Variants in SF3B4 observed in about 807,000 individuals in gnomAD.
The protein encoded by SF3B4 is SAP 49.
In SF3B4, 3 loss-of-function variants were observed where a neutral mutation model predicts 34.3. The observed-to-expected ratio is 0.09, with a 90% CI of 0.04 to 0.23. The LOEUF is 0.23. Ranked by LOEUF, SF3B4 falls within the 10% of genes least tolerant of loss-of-function variation. The pLI is 1.00. For missense variants in SF3B4, 283 were observed against 567.2 expected (o/e 0.50, Z 5.09); for synonymous variants, 216 against 207.8 (o/e 1.04, Z -0.34).
intron 4 of SF3B4, 135 bp downstream of exon 4, chr1:149,925,701 T>A (rs1438662820): frequency 1.3e-6 from 1 of 756,006 alleles, no homozygotes; most frequent in Non-Finnish European, 2.4e-6. Context: ...ATTTTGTATG[T>A]TTTTATAATA....
At position 149,923,419 on chromosome 1, in the gene SF3B4, G is replaced by A; in HGVS notation, c.*123C>T. ...GTGGAAAAAGTTACATTAAAAAGGG[G>A]AATGGAGTGGGGGTGCTGAAAGGGA... is the stretch of plus-strand genomic sequence containing the variant. On this transcript the variant is annotated 3_prime_UTR_variant, in exon 6 of 6. Transcript: ENST00000271628. The A allele has an allele frequency of 2.9e-6, 2 of 689,566 alleles. No homozygotes were observed. Among genetic ancestry groups the A allele is most frequent in the Non-Finnish European group, 4.7e-6 (2 of 425,138 alleles). 42.7% of individuals were successfully genotyped at this position (689,566 alleles called of 1,614,324 possible). A position where few individuals can be genotyped will look rare whatever the true frequency, so the allele number is the denominator to read the frequency against.
intron 1 of SF3B4, 106 bp downstream of exon 1, chr1:149,927,619 TG>T: frequency 7.0e-7 from 1 of 1,430,976 alleles, no homozygotes; most frequent in Non-Finnish European, 9.6e-7. Context: ...TCGCGCCCTC[TG>T]GGGAAGGGAG....
At chr1:149,924,320 C>T (rs1422388610) in intron 4 of SF3B4, among the ~76,000 whole-genome samples, 1 of 151,960 alleles carries the variant, frequency 6.6e-6, no homozygotes, top group African/African-American at 2.4e-5. Context: ...GCCTCTATTC[C>T]CAGCTACTCA....
intron 2 of SF3B4, 85 bp from the exon 3 acceptor site, chr1:149,927,003 G>A: frequency 1.4e-6 from 2 of 1,459,504 alleles, no homozygotes; most frequent in Non-Finnish European, 1.8e-6. Flanking sequence ...TAATCACAAA[G>A]AACAAGAAAG....
At chr1:149,925,776 A>C in intron 4 of SF3B4, 60 bp downstream of exon 4, 1 of 1,227,998 alleles carries the variant, frequency 8.1e-7, no homozygotes, top group Non-Finnish European at 1.2e-6. Flanking sequence ...CAGCAGGGTG[A>C]GTGGTAACAG....
chr1:149,923,443 G>A lies in SF3B4; in HGVS notation c.*99C>T. On this transcript the variant is annotated 3_prime_UTR_variant, in exon 6 of 6. Coordinates refer to ENST00000271628, the MANE Select transcript of SF3B4 (RefSeq NM_005850.5). Reference sequence around the variant, plus strand: ...GGAATGGAGTGGGGGTGCTGAAAGGGATTAGTACCTTTGCCCCAAGGAGCT... The same window carrying A: ...GGAATGGAGTGGGGGTGCTGAAAGGAATTAGTACCTTTGCCCCAAGGAGCT... The A allele has an allele frequency of 1.1e-6, 1 of 899,424 alleles. No individual in the cohort carries two copies. Among genetic ancestry groups the A allele is most frequent in the South Asian group, 1.8e-5 (1 of 55,416 alleles). 55.7% of individuals were successfully genotyped at this position (899,424 alleles called of 1,614,324 possible).
intron 4 of SF3B4, 82 bp from the exon 5 acceptor site, chr1:149,924,096 TAGAA>T (rs2092573634): frequency 1.1e-5 from 13 of 1,196,338 alleles, no homozygotes; most frequent in South Asian, 4.5e-5. Context: ...AAAACAAAAT[TAGAA>T]AGAAAGTGAC....
chr1:149,924,280 A>G (rs1464382017), intron 4 of SF3B4, among the ~76,000 whole-genome samples: 15 of 152,022 alleles, frequency 9.9e-5, no homozygotes, highest in Admixed American at 3.9e-4. Context: ...ATCAAAAAAT[A>G]CTTTTAATTA....
rs587612228 is a variant in SF3B4 at position 149,926,133 on chromosome 1, G to C, written c.707-91C>G. On this transcript the variant is annotated intron_variant, in intron 3 of 5. Coordinates refer to ENST00000271628, the MANE Select transcript of SF3B4 (RefSeq NM_005850.5). The surrounding 1 kb of genome is among the most constrained non-coding windows in gnomAD (Gnocchi z 6.2). The stretch of plus-strand genomic sequence containing the variant: ...TCCTGATCTGGCCTCTCCAGGCAGG[G>C]TGAGCTCTTTCCCCCTCCTCCCAGT... 1.2e-5 allele frequency: 9 copies of C among 722,662 alleles called. No homozygotes were observed. In the South Asian group the frequency reaches 1.6e-4, roughly 13 times the overall value. The allele number at this position is 722,662 out of a possible 1,614,324, so 44.8% of individuals were successfully genotyped here.
At position 149,923,440 on chromosome 1, in the gene SF3B4, A is replaced by G. The variant is rs782379065; in HGVS notation, c.*102T>C. ...AGGGGAATGGAGTGGGGGTGCTGAA[A>G]GGGATTAGTACCTTTGCCCCAAGGA... On this transcript the variant is annotated 3_prime_UTR_variant, in exon 6 of 6. Transcript: ENST00000271628. 2.4e-4 allele frequency: 203 copies of G among 856,878 alleles called. 2 individuals are homozygous for G. Among genetic ancestry groups the G allele is most frequent in the Middle Eastern group, 6.8e-4 (2 of 2,952 alleles). 53.1% of individuals were successfully genotyped at this position (856,878 alleles called of 1,614,324 possible).
intron 4 of SF3B4, 89 bp from the exon 5 acceptor site, chr1:149,924,103 AAAGT>A (rs2101643273): frequency 8.9e-7 from 1 of 1,127,828 alleles, no homozygotes; most frequent in Non-Finnish European, 1.3e-6. Flanking sequence ...AATTAGAAAG[AAAGT>A]GACATCAGAA....
chr1:149,924,163 G>T, intron 4 of SF3B4, 149 bp from the exon 5 acceptor site: 1 of 710,430 alleles, frequency 1.4e-6, no homozygotes, highest in Non-Finnish European at 2.2e-6. Context: ...GGCTGGCTGG[G>T]CACAGTGGCT....
In SF3B4 at chr1:149,923,894, C is replaced by A. The variant is rs782507028; in HGVS notation, c.1034G>T (p.Gly345Val). The A allele has an allele frequency of 2.5e-6, 4 of 1,605,390 alleles. No individual in the cohort carries two copies. The South Asian group carries it at 4.4e-5, about 18-fold the overall frequency. The change falls in exon 5 of 6, where the codon GGA becomes GTA. Residue 345 changes from glycine to valine, a missense_variant. Physicochemically the swap from Gly to Val is moderately radical, Grantham distance 109. Around this residue, in one of 4 missense-constraint regions of SF3B4, gnomAD observed 208 missense variants for 292.6 expected, o/e 0.71. Coordinates refer to ENST00000271628, the MANE Select transcript of SF3B4 (RefSeq NM_005850.5). ...PRPPPGMPHP[G>V]PPPMGMPPRG... is the part of the protein sequence containing the mutation. ...GGGGGGCATGCCCATTGGAGGAGGT[C>A]CAGGATGAGGCATTCCAGGTGGTGG...
chr1:149,923,967 G>A lies in SF3B4; in HGVS notation c.961C>T (p.His321Tyr), dbSNP rs2092572295. Residue 321 changes from histidine to tyrosine, a missense_variant, in exon 5 of 6, where the codon CAT becomes TAT. Coordinates refer to ENST00000271628, the MANE Select transcript of SF3B4 (RefSeq NM_005850.5). ...GAGCCTGGGGGTCCAGCGTGGGGATGTCCTAAGCCATGAGGGCCATGGTGT... is the reference window on the plus strand; with the variant it reads ...GAGCCTGGGGGTCCAGCGTGGGGATATCCTAAGCCATGAGGGCCATGGTGT... ...LAHHGPHGLGHPHAGPPGSGG... is the reference protein window; with the variant it reads ...LAHHGPHGLGYPHAGPPGSGG... 6.3e-7 allele frequency: 1 copy of A among 1,577,978 alleles called. No individual in the cohort carries two copies. The highest frequency in any genetic ancestry group is 8.6e-7 in the Non-Finnish European group (1 of 1,168,904).
At position 149,923,846 on chromosome 1, in the gene SF3B4, G is replaced by T. The variant is rs782787824; in HGVS notation, c.1082C>A (p.Pro361His). ...GGTGGCTAGAGCCGACTTACCCATG[G>T]GAGATCCGAATGGAGGCCCTCGGGG... ...MPPRGPPFGSPMGHPGPMPPH... is the reference protein window; with the variant it reads ...MPPRGPPFGSHMGHPGPMPPH... Residue 361 changes from proline (P) to histidine (H), a missense_variant, in exon 5 of 6, where the codon CCC becomes CAC. Around this residue, in one of 4 missense-constraint regions of SF3B4, gnomAD observed 208 missense variants for 292.6 expected, o/e 0.71. Transcript: ENST00000271628. 5.0e-6 allele frequency: 8 copies of T among 1,595,252 alleles called. No homozygotes were observed. Among genetic ancestry groups the T allele is most frequent in the Non-Finnish European group, 6.8e-6 (8 of 1,174,210 alleles).
chr1:149,925,067 G>A (rs2092581313), intron 4 of SF3B4, among the ~76,000 whole-genome samples: 1 of 152,204 alleles, frequency 6.6e-6, no homozygotes, highest in Non-Finnish European at 1.5e-5. Context: ...ATGAGAGACT[G>A]AACTAGGGCA....
At position 149,923,927 on chromosome 1, in the gene SF3B4, G is replaced by A. The variant is rs782564837; in HGVS notation, c.1001C>T (p.Pro334Leu). Residue 334 changes from proline to leucine, a missense_variant, in exon 5 of 6, where the codon CCG becomes CTG. Physicochemically the swap from Pro to Leu is moderately conservative, Grantham distance 98. Transcript: ENST00000271628. ...AGPPGSGGQP[P>L]PRPPPGMPHP... ...AGGCATTCCAGGTGGTGGTCGGGGC[G>A]GTGGCTGGCCCCCAGAGCCTGGGGG... is the stretch of plus-strand genomic sequence containing the variant. 6.9e-6 allele frequency: 11 copies of A among 1,598,328 alleles called. No individual in the cohort carries two copies. Among genetic ancestry groups the A allele is most frequent in the Admixed American group, 1.8e-5 (1 of 55,790 alleles).
At position 149,926,063 on chromosome 1, in the gene SF3B4, G is replaced by A. The variant is rs782330017; in HGVS notation, c.707-21C>T. ...CATGCCTATAGAGGAAATGGAAAAA[G>A]GAAGAGTTAATGGTAGTGAGGAGAA... On this transcript the variant is annotated intron_variant, in intron 3 of 5. Coordinates refer to ENST00000271628, the MANE Select transcript of SF3B4 (RefSeq NM_005850.5). The surrounding 1 kb of genome is among the most constrained non-coding windows in gnomAD (Gnocchi z 6.2). 16 of 1,274,760 alleles carry A rather than the reference G, an allele frequency of 1.3e-5. No homozygotes were observed. The East Asian group carries it at 3.8e-4, about 30-fold the overall frequency. The allele number at this position is 1,274,760 out of a possible 1,614,324, so 79.0% of individuals were successfully genotyped here.
chr1:149,923,463 G>T lies in SF3B4; in HGVS notation c.*79C>A. The T allele has an allele frequency of 8.7e-7, 1 of 1,153,166 alleles. No homozygotes were observed. The highest frequency in any genetic ancestry group is 1.2e-6 in the Non-Finnish European group (1 of 832,210). The allele number at this position is 1,153,166 out of a possible 1,614,324, so 71.4% of individuals were successfully genotyped here. A position where few individuals can be genotyped will look rare whatever the true frequency, so the allele number is the denominator to read the frequency against. ...AAAGGGATTAGTACCTTTGCCCCAA[G>T]GAGCTACAGCATCTCTGATTGGTCC... On this transcript the variant is annotated 3_prime_UTR_variant, in exon 6 of 6. Coordinates refer to ENST00000271628, the MANE Select transcript of SF3B4 (RefSeq NM_005850.5).
Sources: gnomAD v4.1 joint callset for allele counts (sites outside exome capture counted in the v4.1 genomes callset) on GRCh38, gnomAD v4.1.1 for gene constraint, gnomAD v4.1.1 regional missense constraint, Gnocchi (gnomAD v3.1) non-coding constraint, MANE v1.5 for transcripts, NCBI Gene and HGNC (gene_info 2026-07-23, HGNC 2026-07-21) for gene names.